EPS8: variants seen among roughly 807,000 people sequenced by gnomAD.
The protein encoded by EPS8 is EGFR pathway substrate 8, signaling adaptor, also known as epidermal growth factor receptor kinase substrate 8.
A neutral mutation model predicts 103.8 loss-of-function variants in EPS8; 42 were observed. The ratio of observed to expected loss-of-function variants is 0.40; its 90% confidence interval spans 0.32 to 0.52. The LOEUF (loss-of-function observed/expected upper bound fraction) is 0.52, where lower values mean the gene tolerates loss of function less well. Ranked by LOEUF, EPS8 falls within the 20% of genes least tolerant of loss-of-function variation. The probability of loss-of-function intolerance (pLI) is 0.40; values close to 1 mark genes in which losing one functional copy is unlikely to be tolerated. For synonymous variants in EPS8, 344 were observed against 344.6 expected, an observed-to-expected ratio of 1.00 and a Z score of 0.02; for missense variants, 969 against 1,005.1, an observed-to-expected ratio of 0.96 and a Z score of 0.49.
chr12:15,755,264 T>C (rs1009961246), intron 1 of EPS8, among the ~76,000 whole-genome samples: 1 of 152,230 alleles, frequency 6.6e-6, no homozygotes, highest in Admixed American at 6.5e-5. Flanking sequence ...CATGAGCTGC[T>C]GCACCCAGCC....
intron 13 of EPS8, among the ~76,000 whole-genome samples, chr12:15,653,721 G>A (rs1386835291): frequency 6.6e-6 from 1 of 152,182 alleles, no homozygotes; most frequent in Non-Finnish European, 1.5e-5. Context: ...TATCCTCTCT[G>A]TGCCTTACTT....
At chr12:15,711,593 A>G (rs1478337322) in intron 1 of EPS8, among the ~76,000 whole-genome samples, 1 of 152,204 alleles carries the variant, frequency 6.6e-6, no homozygotes, top group Non-Finnish European at 1.5e-5. Flanking sequence ...CTCCACATTA[A>G]TACTGCCATT....
At chr12:15,630,360 A>G (rs973448532) in intron 18 of EPS8, among the ~76,000 whole-genome samples, 1 of 152,210 alleles carries the variant, frequency 6.6e-6, no homozygotes, top group Non-Finnish European at 1.5e-5. Context: ...TTAAAACACC[A>G]AATTTGGAGA....
At chr12:15,633,459 T>C (rs890694301) in intron 17 of EPS8, among the ~76,000 whole-genome samples, 15 of 152,358 alleles carry the variant, frequency 9.8e-5, no homozygotes, top group African/African-American at 3.6e-4. Flanking sequence ...CCATGAGCCC[T>C]GCTTTCCATA....
chr12:15,658,710 C>G (rs538029725), intron 10 of EPS8, 125 bp from the exon 11 acceptor site: 10 of 673,418 alleles, frequency 1.5e-5, no homozygotes, highest in Middle Eastern at 2.5e-4. Context: ...ACCTAGTTAC[C>G]GTGCTACATC....
At chr12:15,668,705 A>G (rs1945759582) in intron 6 of EPS8, among the ~76,000 whole-genome samples, 1 of 152,212 alleles carries the variant, frequency 6.6e-6, no homozygotes, top group African/African-American at 2.4e-5. Flanking sequence ...TTAAATCAAT[A>G]TCGTGGGAAA....
At chr12:15,645,517 T>C (rs74065611) in intron 15 of EPS8, among the ~76,000 whole-genome samples, 2,501 of 152,260 alleles carry the variant, frequency 0.016, 65 homozygotes, top group African/African-American at 0.057. Flanking sequence ...ACTGAATCTA[T>C]TTTGGAAGCA....
Position 15,780,818 on chromosome 12 carries a change from T to C in EPS8, c.-22+8343A>G, listed in dbSNP as rs537393833. 2 of 152,182 alleles carry C rather than the reference T, an allele frequency of 1.3e-5. No individual in the cohort carries two copies. Among genetic ancestry groups the C allele is most frequent in the Non-Finnish European group, 2.9e-5 (2 of 68,028 alleles). 9.4% of individuals were successfully genotyped at this position (152,182 alleles called of 1,614,324 possible). On this transcript the variant is annotated intron_variant, in intron 1 of 20. Transcript: ENST00000281172. The surrounding 1 kb of genome is among the most constrained non-coding windows in gnomAD (Gnocchi z 4.1). Reference sequence around the variant, plus strand: ...TACTCAACAAACACTCGATAAAAGATGAATGAATAAACAAATGAAATGTAG... The same window carrying C: ...TACTCAACAAACACTCGATAAAAGACGAATGAATAAACAAATGAAATGTAG...
chr12:15,674,000 C>T (rs996036224), intron 3 of EPS8, among the ~76,000 whole-genome samples: 10 of 152,034 alleles, frequency 6.6e-5, no homozygotes, highest in Admixed American at 3.9e-4. Flanking sequence ...CAGTAACCAA[C>T]GATGAAAAAT....
intron 1 of EPS8, among the ~76,000 whole-genome samples, chr12:15,710,680 G>A (rs1482864322): frequency 6.6e-6 from 1 of 151,980 alleles, no homozygotes; most frequent in Non-Finnish European, 1.5e-5. Flanking sequence ...ATTTTTAAGT[G>A]CTTACATGTC....
At chr12:15,665,070 T>C (rs1945683625) in intron 8 of EPS8, 1 of 152,282 alleles carries the variant, frequency 6.6e-6, no homozygotes. Context: ...CCTGACAACC[T>C]TTCCATGAAT....
chr12:15,631,257 G>C (rs897382990), intron 18 of EPS8, among the ~76,000 whole-genome samples, 185 bp downstream of exon 18: 3 of 152,148 alleles, frequency 2.0e-5, no homozygotes, highest in African/African-American at 7.2e-5. Flanking sequence ...AGAGAGTGGA[G>C]AGAATACTTC....
intron 1 of EPS8, among the ~76,000 whole-genome samples, chr12:15,722,659 C>T (rs182879434): frequency 3.3e-5 from 5 of 152,302 alleles, no homozygotes; most frequent in East Asian, 3.9e-4. Context: ...CCATTCACAG[C>T]AAAGGCTGGA....
Position 15,701,501 on chromosome 12 carries a change from T to TA in EPS8, c.-21-18530dup, listed in dbSNP as rs2135937944. On this transcript the variant is annotated intron_variant, in intron 1 of 20. Transcript: ENST00000281172. This position sits in a 1 kb window ranked among gnomAD's most constrained non-coding sequence, Gnocchi z 5.1. The stretch of plus-strand genomic sequence containing the variant: ...ACTTAAGCATACACACACACACAAT[T>TA]ACACATATACAGATATGTATTAACA... Among the ~76,000 whole-genome samples, 1 of 152,274 alleles carries TA rather than the reference T, an allele frequency of 6.6e-6. No homozygotes were observed. The highest frequency in any genetic ancestry group is 1.9e-4 in the East Asian group (1 of 5,186).
rs1945536475 is a variant in EPS8, at chr12:15,657,948, G to A, written c.1101+131C>T. The A allele has an allele frequency of 1.4e-5, 9 of 643,572 alleles. No individual in the cohort carries two copies. In the South Asian group the frequency reaches 1.6e-4, roughly 11 times the overall value. 39.9% of individuals were successfully genotyped at this position (643,572 alleles called of 1,614,324 possible). On this transcript the variant is annotated intron_variant, in intron 12 of 20. Coordinates refer to ENST00000281172, the MANE Select transcript of EPS8 (RefSeq NM_004447.6). ...AATTCTCAAATTTTACATTCTTGATGTTTACACAAATGGCAAAGAAATAGT... is the reference window on the plus strand; with the variant it reads ...AATTCTCAAATTTTACATTCTTGATATTTACACAAATGGCAAAGAAATAGT...
rs1947238510 is a variant in EPS8 at position 15,779,424 on chromosome 12, T to A, written c.-22+9737A>T. 6.6e-6 allele frequency among the ~76,000 whole-genome samples: 1 copy of A among 152,250 alleles called. No homozygotes were observed. The highest frequency in any genetic ancestry group is 2.4e-5 in the African/African-American group (1 of 41,468). ...CTAAAATTACCATCAACTTTAAATG[T>A]CAAAATTATTGCAGAAAATTAGATA... On this transcript the variant is annotated intron_variant, in intron 1 of 20. Coordinates refer to ENST00000281172, the MANE Select transcript of EPS8 (RefSeq NM_004447.6). This position sits in a 1 kb window ranked among gnomAD's most constrained non-coding sequence, Gnocchi z 4.3.
chr12:15,639,031 T>A (rs1044589361), intron 17 of EPS8, among the ~76,000 whole-genome samples: 10 of 152,238 alleles, frequency 6.6e-5, no homozygotes, highest in African/African-American at 1.7e-4. Flanking sequence ...TATCGCAGTT[T>A]GCTTATTCCT....
intron 13 of EPS8, among the ~76,000 whole-genome samples, chr12:15,653,807 G>A (rs933054401): frequency 3.3e-5 from 5 of 152,168 alleles, no homozygotes; most frequent in South Asian, 2.1e-4. Context: ...GCGCGCGCGC[G>A]CGCATGTGTA....
intron 1 of EPS8, among the ~76,000 whole-genome samples, chr12:15,692,319 G>GTTTT (rs56016545): frequency 4.2e-5 from 5 of 120,320 alleles, no homozygotes; most frequent in African/African-American, 1.6e-4. Flanking sequence ...AAGAGGTTTG[G>GTTTT]TTTTTTTTTT....
Sources: allele counts gnomAD v4.1 joint callset (sites outside exome capture counted in the v4.1 genomes callset), GRCh38; gene constraint gnomAD v4.1.1; non-coding constraint Gnocchi (gnomAD v3.1); transcripts MANE v1.5; gene names NCBI Gene and HGNC (gene_info 2026-07-23, HGNC 2026-07-21).